Variants in SGCZ observed in about 807,000 individuals in gnomAD.
The protein encoded by SGCZ is sarcoglycan zeta, also known as zeta-sarcoglycan.
A neutral mutation model predicts 41.3 loss-of-function variants in SGCZ; 40 were observed. That is an observed-to-expected ratio of 0.97 (90% CI 0.75 to 1.26). The LOEUF (loss-of-function observed/expected upper bound fraction) is 1.26, where lower values mean the gene tolerates loss of function less well. Among genes scored for constraint, SGCZ ranks in the 50% most tolerant of loss-of-function variants. SGCZ has a pLI of 0.00. For missense variants in SGCZ, 552 were observed against 369.8 expected, an observed-to-expected ratio of 1.49 and a Z score of -4.04; for synonymous variants, 206 against 137.5, an observed-to-expected ratio of 1.50 and a Z score of -3.49.
At position 14,402,610 on chromosome 8, in the gene SGCZ, G is replaced by A. The variant is rs1339345626; in HGVS notation, c.235-78406C>T. On this transcript the variant is annotated intron_variant, in intron 2 of 7. Transcript: ENST00000382080. ...GATCAGATAGTTGTAGATATGTGGC[G>A]TTATTTCTGAGGGCTCTGTTCTGTT... 1.7e-4 allele frequency among the ~76,000 whole-genome samples: 24 copies of A among 142,368 alleles called. 1 individual carries two copies. The highest frequency in any genetic ancestry group is 1.4e-3 in the East Asian group (7 of 4,988). 93.4% of individuals were successfully genotyped at this position (142,368 alleles called of 152,430 possible). A position where few individuals can be genotyped will look rare whatever the true frequency, so the allele number is the denominator to read the frequency against.
intron 5 of SGCZ, among the ~76,000 whole-genome samples, chr8:14,134,489 T>C (rs1803135193): frequency 6.6e-6 from 1 of 152,232 alleles, no homozygotes; most frequent in Non-Finnish European, 1.5e-5. Flanking sequence ...TCAAATTAAC[T>C]GTGCCTGTAA....
chr8:14,293,696 A>T (rs530703869), intron 3 of SGCZ, among the ~76,000 whole-genome samples: 45 of 152,012 alleles, frequency 3.0e-4, no homozygotes, highest in African/African-American at 1.0e-3. Flanking sequence ...GGTCCCATGA[A>T]ATTATGTTAA....
At chr8:14,850,624 G>A (rs1418710996) in intron 1 of SGCZ, among the ~76,000 whole-genome samples, 1 of 152,170 alleles carries the variant, frequency 6.6e-6, no homozygotes, top group Non-Finnish European at 1.5e-5. Context: ...AGAATTTAAT[G>A]ATCATGGCTA....
rs1020552357 is a variant in SGCZ at position 14,086,458 on chromosome 8, A to C, written c.*3985T>G. ...TTCTCTGATTGAGTCATTCGATAGA[A>C]TATGTAGGAATTTTGAATGGAATAA... On this transcript the variant is annotated 3_prime_UTR_variant, in exon 8 of 8. Coordinates refer to ENST00000382080, the MANE Select transcript of SGCZ (RefSeq NM_139167.4). Among the ~76,000 whole-genome samples the C allele has an allele frequency of 6.6e-6, 1 of 151,840 alleles. No homozygotes were observed. The highest frequency in any genetic ancestry group is 6.6e-5 in the Admixed American group (1 of 15,208).
At chr8:15,180,955 C>T (rs1800157741) in intron 1 of SGCZ, among the ~76,000 whole-genome samples, 1 of 150,942 alleles carries the variant, frequency 6.6e-6, no homozygotes, top group Admixed American at 6.6e-5. Flanking sequence ...CAAACTAGAA[C>T]AACAAAGGAT....
At chr8:14,953,435 T>C (rs1350315448) in intron 1 of SGCZ, among the ~76,000 whole-genome samples, 1 of 152,164 alleles carries the variant, frequency 6.6e-6, no homozygotes, top group Non-Finnish European at 1.5e-5. Context: ...GGAATTACAA[T>C]TCGACATGAG....
intron 1 of SGCZ, among the ~76,000 whole-genome samples, chr8:14,582,446 G>A (rs1184039905): frequency 1.3e-5 from 2 of 152,032 alleles, no homozygotes; most frequent in Non-Finnish European, 2.9e-5. Context: ...ACGTAATCAT[G>A]TATTTTGGGG....
At chr8:14,152,092 T>C (rs1348797716) in intron 5 of SGCZ, among the ~76,000 whole-genome samples, 1 of 152,042 alleles carries the variant, frequency 6.6e-6, no homozygotes, top group Admixed American at 6.6e-5. Flanking sequence ...ATCTCAAAAA[T>C]ATTAAAAATT....
chr8:14,257,275 G>A (rs893377657), intron 3 of SGCZ, among the ~76,000 whole-genome samples: 1 of 151,676 alleles, frequency 6.6e-6, no homozygotes, highest in South Asian at 2.1e-4. Context: ...AGGCTGCAGT[G>A]AACCGTGATT....
At chr8:14,157,940 G>A (rs1309271673) in intron 5 of SGCZ, among the ~76,000 whole-genome samples, 1 of 152,138 alleles carries the variant, frequency 6.6e-6, no homozygotes, top group East Asian at 1.9e-4. Flanking sequence ...CCAGAACTTT[G>A]GGAGGCCAAG....
chr8:15,156,074 A>AAAAAAT, intron 1 of SGCZ, among the ~76,000 whole-genome samples: 1 of 151,362 alleles, frequency 6.6e-6, no homozygotes, highest in South Asian at 2.1e-4. Flanking sequence ...AAAAAAAAAA[A>AAAAAAT]ATAGAAGAGT....
At chr8:14,579,111 G>T (rs1804805287) in intron 1 of SGCZ, among the ~76,000 whole-genome samples, 1 of 151,960 alleles carries the variant, frequency 6.6e-6, no homozygotes, top group African/African-American at 2.4e-5. Flanking sequence ...TTCTTTCCCA[G>T]CAACAGAAAG....
At chr8:14,339,977 A>G (rs1016548080) in intron 2 of SGCZ, among the ~76,000 whole-genome samples, 6 of 152,194 alleles carry the variant, frequency 3.9e-5, no homozygotes, top group Non-Finnish European at 8.8e-5. Context: ...AGTAAAGCAT[A>G]ACAGAGGAAC....
At chr8:15,040,773 C>A (rs1002549973) in intron 1 of SGCZ, among the ~76,000 whole-genome samples, 1 of 152,144 alleles carries the variant, frequency 6.6e-6, no homozygotes. Context: ...AGTCACGTCA[C>A]TAGGGTGAGC....
At chr8:14,992,817 C>G (rs1456025142) in intron 1 of SGCZ, among the ~76,000 whole-genome samples, 1 of 144,680 alleles carries the variant, frequency 6.9e-6, no homozygotes, top group Non-Finnish European at 1.5e-5. Context: ...TTGATATTTA[C>G]CCCTCCCCCA....
chr8:14,117,407 TCTGTGTGTGTGTG>T (rs1167737823), intron 5 of SGCZ, among the ~76,000 whole-genome samples: 95 of 96,928 alleles, frequency 9.8e-4, no homozygotes, highest in South Asian at 5.7e-3. Flanking sequence ...GATGCACACA[TCTGTGTGTGTGTG>T]TGTGTGTGTG....
Position 14,694,166 on chromosome 8 carries a change from A to G in SGCZ, c.40-139240T>C, listed in dbSNP as rs78077500. ...TAAATATAACCCTTAGCACACAATA[A>G]GCACTCTCAGGGCAAAGGCAACCTT... On this transcript the variant is annotated intron_variant, in intron 1 of 7. Coordinates refer to ENST00000382080, the MANE Select transcript of SGCZ (RefSeq NM_139167.4). Among the ~76,000 whole-genome samples the G allele has an allele frequency of 1.5e-3, 221 of 152,300 alleles. 1 individual carries two copies. The South Asian group carries it at 0.018, about 12-fold the overall frequency.
chr8:14,582,711 G>A (rs1429291175), intron 1 of SGCZ, among the ~76,000 whole-genome samples: 5 of 131,540 alleles, frequency 3.8e-5, no homozygotes, highest in East Asian at 4.5e-4. Flanking sequence ...TCCTGTGTCC[G>A]TGTGTTCTCA....
chr8:14,382,435 C>T lies in SGCZ; in HGVS notation c.235-58231G>A, dbSNP rs1201589411. Among the ~76,000 whole-genome samples the T allele has an allele frequency of 2.0e-5, 3 of 151,836 alleles. No homozygotes were observed. In the East Asian group the frequency reaches 5.8e-4, roughly 29 times the overall value. ...AAAAAATTTAAAAAAAAACACAATA[C>T]CATATCACAGAACATAGACCATCAC... On this transcript the variant is annotated intron_variant, in intron 2 of 7. Transcript: ENST00000382080.
Sources: allele counts gnomAD v4.1 joint callset (sites outside exome capture counted in the v4.1 genomes callset), GRCh38; gene constraint gnomAD v4.1.1; transcripts MANE v1.5; gene names NCBI Gene and HGNC (gene_info 2026-07-23, HGNC 2026-07-21).